Variants in TRIM37 observed in about 807,000 individuals in gnomAD.
The protein encoded by TRIM37 is E3 ubiquitin-protein ligase TRIM37.
Under a neutral mutation model 129.8 loss-of-function variants are expected in TRIM37, and 80 were observed. The ratio of observed to expected loss-of-function variants is 0.62; its 90% CI spans 0.51 to 0.74. TRIM37 has a LOEUF of 0.74. Ranked by LOEUF, TRIM37 falls within the 30% of genes least tolerant of loss-of-function variation. TRIM37 has a pLI of 0.00. For synonymous variants in TRIM37, 389 were observed against 387.1 expected (o/e 1.00, Z -0.06); for missense variants, 1,054 against 1,176.5 (o/e 0.90, Z 1.52).
chr17:59,001,341 G>A (rs1209681459), intron 23 of TRIM37, among the ~76,000 whole-genome samples: 4 of 151,654 alleles, frequency 2.6e-5, no homozygotes, highest in Non-Finnish European at 5.9e-5. Context: ...CCCCGTCTCT[G>A]CCCAGTAAGT....
At chr17:59,071,139 T>C (rs2042324905) in intron 8 of TRIM37, among the ~76,000 whole-genome samples, 192 bp from the exon 9 acceptor site, 1 of 152,178 alleles carries the variant, frequency 6.6e-6, no homozygotes, top group African/African-American at 2.4e-5. Context: ...GTAAAGTCAA[T>C]GAATAAGTAT....
intron 13 of TRIM37, among the ~76,000 whole-genome samples, chr17:59,052,623 T>C (rs2040451813): frequency 6.6e-6 from 1 of 152,042 alleles, no homozygotes; most frequent in African/African-American, 2.4e-5. Flanking sequence ...TTATATGTTA[T>C]AACTGGATGA....
intron 2 of TRIM37, among the ~76,000 whole-genome samples, chr17:59,094,683 T>C (rs1033881255): frequency 3.3e-5 from 5 of 151,804 alleles, no homozygotes; most frequent in African/African-American, 1.2e-4. Flanking sequence ...AAAAGGAAGA[T>C]TAAGGTGAGC....
chr17:59,048,886 C>T (rs144298146), intron 15 of TRIM37, among the ~76,000 whole-genome samples: 4 of 152,238 alleles, frequency 2.6e-5, no homozygotes, highest in African/African-American at 9.6e-5. Flanking sequence ...TGTGAGCCAC[C>T]GCACCCGGCC....
chr17:59,102,675 G>C (rs1283337570), intron 2 of TRIM37, among the ~76,000 whole-genome samples: 1 of 152,160 alleles, frequency 6.6e-6, no homozygotes, highest in Non-Finnish European at 1.5e-5. Flanking sequence ...AGAAGTATGA[G>C]AACTAACATC....
chr17:59,053,026 C>T (rs756967490), intron 13 of TRIM37, among the ~76,000 whole-genome samples: 6 of 151,268 alleles, frequency 4.0e-5, no homozygotes, highest in South Asian at 2.1e-4. Context: ...ACGTTCTGAA[C>T]GGAACTGAGT....
rs1018509116 is a variant in TRIM37, at chr17:58,999,382, T to G, written c.2890A>C (p.Arg964=). Residue 964 remains arginine, a synonymous_variant, in exon 24 of 24, where the codon AGG becomes CGG. Transcript: ENST00000262294. ...CAGTTCTCTTGATTTGGCAATTACC[T>G]TCCACTATTTTCATCTGTATTGAAG... ...LSFNTDENSG[R] 1.9e-6 allele frequency: 3 copies of G among 1,613,954 alleles called. No individual in the cohort carries two copies. The highest frequency in any genetic ancestry group is 2.5e-6 in the Non-Finnish European group (3 of 1,179,938).
At chr17:59,068,151 C>T (rs1227077758) in intron 9 of TRIM37, among the ~76,000 whole-genome samples, 2 of 152,074 alleles carry the variant, frequency 1.3e-5, no homozygotes, top group Non-Finnish European at 2.9e-5. Context: ...AGGTAGTGAG[C>T]ATTACTGGAG....
At chr17:59,041,355 T>G (rs2039133987) in intron 17 of TRIM37, among the ~76,000 whole-genome samples, 1 of 152,178 alleles carries the variant, frequency 6.6e-6, no homozygotes. Flanking sequence ...TTTAAGATCC[T>G]TCGTAAGTCT....
Position 59,047,789 on chromosome 17 carries a change from C to T in TRIM37, c.1561G>A (p.Asp521Asn), listed in dbSNP as rs1480325266. ...HELSDGDLDL[D>N]LVYEDEVNQL... is the part of the protein sequence containing the mutation. Reference sequence around the variant, plus strand: ...TTTACTTCATCCTCATAAACAAGATCCAGATCCAGATCTCCATCTGAAAGC... The same window carrying T: ...TTTACTTCATCCTCATAAACAAGATTCAGATCCAGATCTCCATCTGAAAGC... Residue 521 changes from aspartate to asparagine, a missense_variant, in exon 16 of 24, where the codon GAT becomes AAT. Asp to Asn is a conservative substitution (Grantham distance 23). This residue lies in a region of TRIM37 where 752 missense variants were observed against 870.8 expected (regional missense o/e 0.86). Transcript: ENST00000262294. The T allele has an allele frequency of 6.2e-7, 1 of 1,613,928 alleles. No homozygotes were observed. Among genetic ancestry groups the T allele is most frequent in the Non-Finnish European group, 8.5e-7 (1 of 1,180,022 alleles).
At chr17:59,050,313 G>A (rs1170129519) in intron 14 of TRIM37, among the ~76,000 whole-genome samples, 1 of 152,204 alleles carries the variant, frequency 6.6e-6, no homozygotes, top group East Asian at 1.9e-4. Context: ...TGCAATGATG[G>A]AAATGCTCTA....
intron 2 of TRIM37, among the ~76,000 whole-genome samples, chr17:59,097,849 T>C (rs889032302): frequency 2.6e-5 from 4 of 152,248 alleles, no homozygotes; most frequent in Non-Finnish European, 5.9e-5. Flanking sequence ...ATCATAAGAT[T>C]TAATATTGTT....
intron 5 of TRIM37, among the ~76,000 whole-genome samples, chr17:59,081,833 G>A (rs533586319): frequency 2.3e-4 from 35 of 151,064 alleles, no homozygotes; most frequent in African/African-American, 8.5e-4. Context: ...CTTGAACCCG[G>A]GAGGCAGAGC....
chr17:59,002,435 A>G (rs2033898796), intron 22 of TRIM37, among the ~76,000 whole-genome samples: 1 of 152,080 alleles, frequency 6.6e-6, no homozygotes, highest in Non-Finnish European at 1.5e-5. Flanking sequence ...GGGTCTTGCT[A>G]TAATATGTTG....
At chr17:59,036,447 G>GGT (rs10625636) in intron 17 of TRIM37, among the ~76,000 whole-genome samples, 49,383 of 140,390 alleles carry the variant, frequency 0.35, 8,557 homozygotes, top group East Asian at 0.51. Context: ...ATTTGCTGGG[G>GGT]GTGTGTGTGT....
chr17:59,077,293 G>C (rs1026720880), intron 7 of TRIM37, among the ~76,000 whole-genome samples: 1 of 148,518 alleles, frequency 6.7e-6, no homozygotes, highest in African/African-American at 2.5e-5. Flanking sequence ...TGGTAGAGAT[G>C]GGGTTTCACC....
intron 19 of TRIM37, among the ~76,000 whole-genome samples, chr17:59,025,112 A>AT (rs2037084052): frequency 6.6e-6 from 1 of 152,196 alleles, no homozygotes; most frequent in African/African-American, 2.4e-5. Context: ...AAACAGAACC[A>AT]TGTTTGGGAA....
chr17:59,046,664 G>A (rs1466029681), intron 16 of TRIM37, among the ~76,000 whole-genome samples: 2 of 150,952 alleles, frequency 1.3e-5, no homozygotes, highest in Non-Finnish European at 2.9e-5. Context: ...AGCCTACCAA[G>A]TAGCTGGGAC....
chr17:58,985,885 G>A (rs556019850), intron 24 of TRIM37, among the ~76,000 whole-genome samples: 4 of 152,168 alleles, frequency 2.6e-5, no homozygotes, highest in Non-Finnish European at 5.9e-5. Context: ...AAAAGGTGAA[G>A]TTTTGAAAGA....
Sources: gnomAD v4.1 joint callset for allele counts (sites outside exome capture counted in the v4.1 genomes callset) on GRCh38, gnomAD v4.1.1 for gene constraint, gnomAD v4.1.1 regional missense constraint, MANE v1.5 for transcripts, NCBI Gene and HGNC (gene_info 2026-07-23, HGNC 2026-07-21) for gene names.